ZNRF3: variants seen among roughly 807,000 people sequenced by gnomAD.
ZNRF3 encodes E3 ubiquitin-protein ligase ZNRF3.
In ZNRF3, 23 loss-of-function variants were observed where a neutral mutation model predicts 72.5. The ratio of observed to expected loss-of-function variants is 0.32; its 90% CI spans 0.23 to 0.45. ZNRF3 has a LOEUF of 0.45. Ranked by LOEUF, ZNRF3 falls within the 20% of genes least tolerant of loss-of-function variation. The pLI is 1.00. For synonymous variants in ZNRF3, 610 were observed against 545.3 expected (o/e 1.12, Z -1.65); for missense variants, 1,169 against 1,272.1 (o/e 0.92, Z 1.23).
chr22:28,900,042 A>T (rs527588141), intron 1 of ZNRF3, among the ~76,000 whole-genome samples: 3 of 148,778 alleles, frequency 2.0e-5, no homozygotes, highest in Admixed American at 6.6e-5. Flanking sequence ...GAGGGTAAAC[A>T]GGGGATCTTC....
intron 1 of ZNRF3, among the ~76,000 whole-genome samples, chr22:28,974,759 C>T (rs1368965346): frequency 1.3e-5 from 2 of 152,170 alleles, no homozygotes; most frequent in African/African-American, 4.8e-5. Flanking sequence ...AATCCTCCCA[C>T]CTTGGCCTCT....
chr22:29,032,736 T>A (rs780315250), intron 2 of ZNRF3, among the ~76,000 whole-genome samples: 2 of 152,190 alleles, frequency 1.3e-5, no homozygotes, highest in Non-Finnish European at 2.9e-5. Context: ...TCAACAAACA[T>A]TTTTTGGCCA....
intron 2 of ZNRF3, among the ~76,000 whole-genome samples, chr22:28,988,146 C>G (rs1056481858): frequency 2.6e-5 from 4 of 152,128 alleles, no homozygotes; most frequent in African/African-American, 9.7e-5. Context: ...AGGAGAGGTT[C>G]AGAGAAGGTG....
At position 28,951,901 on chromosome 22, in the gene ZNRF3, A is replaced by C. The variant is rs563869117; in HGVS notation, c.301-35175A>C. 3.3e-5 allele frequency among the ~76,000 whole-genome samples: 5 copies of C among 152,314 alleles called. No individual in the cohort carries two copies. The East Asian group carries it at 5.8e-4, about 18-fold the overall frequency. On this transcript the variant is annotated intron_variant, in intron 1 of 8. Coordinates refer to ENST00000544604, the MANE Select transcript of ZNRF3 (RefSeq NM_001206998.2). Reference sequence around the variant, plus strand: ...GACTCAGAGATAGGCGACTCCATGTACCTGCTCCCATCCCGTTTGCATGTA... The same window carrying C: ...GACTCAGAGATAGGCGACTCCATGTCCCTGCTCCCATCCCGTTTGCATGTA...
At chr22:29,025,664 G>T (rs1350246573) in intron 2 of ZNRF3, 3 of 151,822 alleles carry the variant, frequency 2.0e-5, no homozygotes, top group African/African-American at 7.3e-5. Context: ...GGGATTACAG[G>T]TGCAGGCCAA....
intron 1 of ZNRF3, among the ~76,000 whole-genome samples, chr22:28,927,298 G>A (rs528985758): frequency 2.0e-5 from 3 of 152,252 alleles, no homozygotes; most frequent in Non-Finnish European, 2.9e-5. Context: ...GCTCACGCCT[G>A]TAATCCCAGC....
At chr22:28,929,308 C>G (rs932286945) in intron 1 of ZNRF3, among the ~76,000 whole-genome samples, 6 of 152,230 alleles carry the variant, frequency 3.9e-5, no homozygotes, top group Non-Finnish European at 8.8e-5. Context: ...GACGTGGTTT[C>G]TCCACCTTGG....
intron 2 of ZNRF3, among the ~76,000 whole-genome samples, chr22:28,994,498 CT>C (rs2036016299): frequency 6.6e-6 from 1 of 151,932 alleles, no homozygotes; most frequent in East Asian, 1.9e-4. Flanking sequence ...TCCTTCGTTC[CT>C]TTTATCACTC....
At chr22:28,947,058 C>G (rs189879397) in intron 1 of ZNRF3, among the ~76,000 whole-genome samples, 43 of 152,280 alleles carry the variant, frequency 2.8e-4, no homozygotes, top group South Asian at 2.3e-3. Flanking sequence ...TTGGGCTCAT[C>G]ATTTGGGAGA....
At position 28,972,904 on chromosome 22, in the gene ZNRF3, TTTTAATTGAATAG is replaced by T. The variant is rs372539929; in HGVS notation, c.301-14168_301-14156del. 4.2e-3 allele frequency among the ~76,000 whole-genome samples: 645 copies of T among 152,366 alleles called. 5 individuals are homozygous for T. The highest frequency in any genetic ancestry group is 0.014 in the African/African-American group (599 of 41,596). ...ATATGTATTCAGATCCTATGCCCAT[TTTTAATTGAATAG>T]TTTGTCTTTTTATTGAGTTGTAAAA... On this transcript the variant is annotated intron_variant, in intron 1 of 8. Coordinates refer to ENST00000544604, the MANE Select transcript of ZNRF3 (RefSeq NM_001206998.2).
At chr22:28,983,590 C>T (rs1406095066) in intron 1 of ZNRF3, among the ~76,000 whole-genome samples, 1 of 152,194 alleles carries the variant, frequency 6.6e-6, no homozygotes, top group Non-Finnish European at 1.5e-5. Context: ...CAGCTGCCCT[C>T]GACTGTCCCT....
intron 1 of ZNRF3, among the ~76,000 whole-genome samples, chr22:28,906,721 G>A (rs2034214770): frequency 6.6e-6 from 1 of 152,196 alleles, no homozygotes; most frequent in Admixed American, 6.5e-5. Flanking sequence ...AGACGACTTG[G>A]CAGCTACAAT....
chr22:28,888,618 G>A (rs751699663), intron 1 of ZNRF3, among the ~76,000 whole-genome samples: 23 of 151,836 alleles, frequency 1.5e-4, no homozygotes, highest in African/African-American at 9.7e-5. Flanking sequence ...GTGTAGAGCT[G>A]TAGATTAAAG....
intron 2 of ZNRF3, among the ~76,000 whole-genome samples, chr22:29,020,955 C>T (rs2036528177): frequency 6.6e-6 from 1 of 152,034 alleles, no homozygotes; most frequent in African/African-American, 2.4e-5. Context: ...CACCACCACG[C>T]CTGGCTGATT....
At chr22:28,976,649 C>T (rs1184159093) in intron 1 of ZNRF3, among the ~76,000 whole-genome samples, 2 of 152,060 alleles carry the variant, frequency 1.3e-5, no homozygotes, top group Non-Finnish European at 2.9e-5. Flanking sequence ...TGTGTTTAAG[C>T]ACCTAATCCT....
chr22:28,983,014 A>G (rs115000575), intron 1 of ZNRF3, among the ~76,000 whole-genome samples: 4,507 of 152,284 alleles, frequency 0.03, 117 homozygotes, highest in African/African-American at 0.075. Context: ...GGAAGGTGGA[A>G]TGGATGGTGA....
chr22:29,046,198 G>A (rs940498355), intron 5 of ZNRF3, among the ~76,000 whole-genome samples: 5 of 152,144 alleles, frequency 3.3e-5, no homozygotes, highest in Non-Finnish European at 5.9e-5. Context: ...CATGTCTCAG[G>A]GGAGAGATGG....
intron 1 of ZNRF3, among the ~76,000 whole-genome samples, chr22:28,912,956 G>A (rs2034345896): frequency 1.3e-5 from 2 of 152,152 alleles, no homozygotes; most frequent in Non-Finnish European, 1.5e-5. Context: ...GTAAGCCACC[G>A]CACCCGGCAG....
At chr22:28,995,305 G>T (rs1033926531) in intron 2 of ZNRF3, among the ~76,000 whole-genome samples, 1 of 152,058 alleles carries the variant, frequency 6.6e-6, no homozygotes, top group Non-Finnish European at 1.5e-5. Context: ...GTGGTGGCGG[G>T]CGCCTGTAAT....
Sources: gnomAD v4.1 joint callset for allele counts (sites outside exome capture counted in the v4.1 genomes callset) on GRCh38, gnomAD v4.1.1 for gene constraint, MANE v1.5 for transcripts, NCBI Gene and HGNC (gene_info 2026-07-23, HGNC 2026-07-21) for gene names.